The following KMT2C variants were observed in gnomAD, a reference collection of about 807,000 sequenced individuals.
KMT2C encodes lysine methyltransferase 2C, also known as histone-lysine N-methyltransferase 2C.
KMT2C carries 88 observed loss-of-function variants against 507.9 expected under a neutral mutation model. The observed-to-expected ratio is 0.17, with a 90% confidence interval of 0.15 to 0.21. The LOEUF is 0.21. Among genes scored for constraint, KMT2C ranks in the 10% least tolerant of loss-of-function variants. The probability of loss-of-function intolerance (pLI) is 1.00; values close to 1 mark genes in which losing one functional copy is unlikely to be tolerated. For missense variants in KMT2C, 4,954 were observed against 5,957.8 expected (o/e 0.83, Z 5.55); for synonymous variants, 2,049 against 2,080.8 (o/e 0.98, Z 0.42).
At chr7:152,327,432 G>A (rs1395005615) in intron 3 of KMT2C, among the ~76,000 whole-genome samples, 2 of 152,170 alleles carry the variant, frequency 1.3e-5, no homozygotes, top group Non-Finnish European at 2.9e-5. Flanking sequence ...ATGGGTTCCC[G>A]AAGTAGGCCT....
intron 1 of KMT2C, chr7:152,368,357 T>A: frequency 1.8e-6 from 2 of 1,134,068 alleles, no homozygotes; most frequent in South Asian, 1.3e-5. Context: ...AAGAGCCCTC[T>A]GGCACAAATG....
chr7:152,312,043 A>T (rs2096676861), intron 4 of KMT2C, 97 bp from the exon 5 acceptor site: 2 of 926,650 alleles, frequency 2.2e-6, no homozygotes, highest in Non-Finnish European at 1.6e-6. Context: ...ATCAATTTTA[A>T]TTTATCAGCC....
intron 31 of KMT2C, among the ~76,000 whole-genome samples, chr7:152,189,103 C>A (rs1257427122): frequency 6.6e-6 from 1 of 152,132 alleles, no homozygotes; most frequent in Admixed American, 6.5e-5. Context: ...AATACCTTAT[C>A]GTTTTCTTTC....
intron 1 of KMT2C, among the ~76,000 whole-genome samples, chr7:152,411,279 T>C (rs1257173619): frequency 6.6e-6 from 1 of 152,196 alleles, no homozygotes; most frequent in Admixed American, 6.6e-5. Flanking sequence ...ATAATACCAC[T>C]TGATAAGACT....
intron 23 of KMT2C, among the ~76,000 whole-genome samples, chr7:152,217,249 A>AT (rs1025050465): frequency 6.6e-6 from 1 of 151,930 alleles, no homozygotes; most frequent in Non-Finnish European, 1.5e-5. Flanking sequence ...TTCTTTCCCT[A>AT]TTTTTTCTCC....
chr7:152,187,731 A>G lies in KMT2C; in HGVS notation c.4777T>C (p.Ser1593Pro), dbSNP rs1481161511. 9.9e-6 allele frequency: 16 copies of G among 1,613,998 alleles called. No individual in the cohort carries two copies. Among genetic ancestry groups the G allele is most frequent in the African/African-American group, 1.3e-5 (1 of 74,932 alleles). Residue 1593 changes from serine (S) to proline (P), a missense_variant, in exon 32 of 59, where the codon TCT (serine) becomes CCT (proline). Ser to Pro is a moderately conservative substitution (Grantham distance 74). Coordinates refer to ENST00000262189, the MANE Select transcript of KMT2C (RefSeq NM_170606.3). ...LGTFSAIAQS[S>P]YPDARDKNSA... ...GGCTTGTACCTGGCATCAGGATAAG[A>G]GGATTGTGCAATTGCAGAGAAAGTT...
In KMT2C at chr7:152,154,139, T is replaced by C; in HGVS notation, c.12147A>G (p.Glu4049=). The C allele has an allele frequency of 6.2e-7, 1 of 1,613,896 alleles. No individual in the cohort carries two copies. Among genetic ancestry groups the C allele is most frequent in the Non-Finnish European group, 8.5e-7 (1 of 1,179,968 alleles). ...ILPSTAGKSS[E]SRRNDIKTEP... ...CAGTTTTGATGTCATTCCTTCTTGA[T>C]TCTGAACCTTTAAAAAGAGAGAAAA... Residue 4049 remains glutamate, a synonymous_variant, in exon 48 of 59, where the codon GAA becomes GAG. Transcript: ENST00000262189.
At chr7:152,171,157 G>A in intron 40 of KMT2C, 107 bp downstream of exon 40, 1 of 627,014 alleles carries the variant, frequency 1.6e-6, no homozygotes, top group Non-Finnish European at 2.6e-6. Context: ...ATTTACTTCT[G>A]CACAAACCTA....
chr7:152,270,702 G>C (rs1355092148), intron 7 of KMT2C, among the ~76,000 whole-genome samples: 1 of 152,040 alleles, frequency 6.6e-6, no homozygotes, highest in Non-Finnish European at 1.5e-5. Context: ...TCCTATTCAG[G>C]AAGTATATCT....
chr7:152,253,910 C>G (rs2095604175), intron 9 of KMT2C, among the ~76,000 whole-genome samples: 1 of 152,124 alleles, frequency 6.6e-6, no homozygotes, highest in African/African-American at 2.4e-5. Flanking sequence ...CCTTAAAACC[C>G]TGGGTATCCC....
chr7:152,434,096 G>T (rs1319909531), intron 1 of KMT2C, among the ~76,000 whole-genome samples: 2 of 152,160 alleles, frequency 1.3e-5, no homozygotes, highest in African/African-American at 4.8e-5. Context: ...AAAAAAAAGT[G>T]GCTTACATGT....
chr7:152,398,738 A>G (rs2116594130), intron 1 of KMT2C, among the ~76,000 whole-genome samples: 1 of 152,058 alleles, frequency 6.6e-6, no homozygotes, highest in Non-Finnish European at 1.5e-5. Context: ...TGTGCTCTTT[A>G]TTTTTACCAG....
chr7:152,221,921 G>T, intron 22 of KMT2C, 80 bp downstream of exon 22: 15 of 1,026,478 alleles, frequency 1.5e-5, no homozygotes, highest in Non-Finnish European at 2.2e-5. Context: ...ATTGAAGCAG[G>T]TTTGACAAGT....
intron 23 of KMT2C, among the ~76,000 whole-genome samples, chr7:152,209,329 T>C (rs1395805982): frequency 6.7e-6 from 1 of 149,122 alleles, no homozygotes; most frequent in Non-Finnish European, 1.5e-5. Flanking sequence ...AGGTGGCTGG[T>C]GCCTGTAGTC....
In KMT2C at chr7:152,152,947, C is replaced by T. The variant is rs760066981; in HGVS notation, c.12284G>A (p.Ser4095Asn). 6.2e-7 allele frequency: 1 copy of T among 1,614,068 alleles called. No individual in the cohort carries two copies. Among genetic ancestry groups the T allele is most frequent in the South Asian group, 1.1e-5 (1 of 91,080 alleles). Residue 4095 changes from serine (S) to asparagine (N), a missense_variant, in exon 49 of 59, where the codon AGC becomes AAC. By Grantham distance (46) the Ser-to-Asn change is conservative. This residue lies in a region of KMT2C where 417 missense variants were observed against 461.1 expected (regional missense o/e 0.90). Coordinates refer to ENST00000262189, the MANE Select transcript of KMT2C (RefSeq NM_170606.3). The part of the protein sequence containing the change: ...TLHPTAAENI[S>N]SVVAAFSDLL... ...GTCGGAAAATGCAGCCACAACACTG[C>T]TAATGTTCTAAAACCAAATGCAAAT...
chr7:152,370,545 CAA>C (rs944186256), intron 1 of KMT2C, among the ~76,000 whole-genome samples: 3 of 152,064 alleles, frequency 2.0e-5, no homozygotes, highest in African/African-American at 7.2e-5. Context: ...CAAAATCAGG[CAA>C]AGACAGTACA....
At chr7:152,399,375 A>G (rs2097557308) in intron 1 of KMT2C, among the ~76,000 whole-genome samples, 1 of 152,226 alleles carries the variant, frequency 6.6e-6, no homozygotes, top group African/African-American at 2.4e-5. Context: ...TTAAAGCCAA[A>G]TTATTATTAA....
At chr7:152,356,603 TAATC>T (rs1563971974) in intron 2 of KMT2C, among the ~76,000 whole-genome samples, 1 of 150,502 alleles carries the variant, frequency 6.6e-6, no homozygotes. Flanking sequence ...AAAAAAATAA[TAATC>T]AGGCACGGCG....
At chr7:152,423,235 G>A in intron 1 of KMT2C, among the ~76,000 whole-genome samples, 1 of 152,008 alleles carries the variant, frequency 6.6e-6, no homozygotes, top group East Asian at 1.9e-4. Flanking sequence ...AGCTACTTGG[G>A]AGGCTAAGGC....
Sources: allele counts gnomAD v4.1 joint callset (sites outside exome capture counted in the v4.1 genomes callset), GRCh38; gene constraint gnomAD v4.1.1; regional missense constraint gnomAD v4.1.1; transcripts MANE v1.5; gene names NCBI Gene and HGNC (gene_info 2026-07-23, HGNC 2026-07-21).